The following ARHGAP26 variants were observed in gnomAD, a reference collection of about 807,000 sequenced individuals.
ARHGAP26 encodes the protein Rho GTPase activating protein 26.
A neutral mutation model predicts 104.8 loss-of-function variants in ARHGAP26; 38 were observed. That is an observed-to-expected ratio of 0.36 (90% CI 0.28 to 0.48). ARHGAP26 has a LOEUF of 0.48. ARHGAP26 is among the 20% of genes least tolerant of loss of function. The pLI is 0.99. For missense variants in ARHGAP26, 704 were observed against 947.9 expected (o/e 0.74, Z 3.38); for synonymous variants, 341 against 340.0 (o/e 1.00, Z -0.03).
At chr5:142,842,716 A>G (rs368155696) in intron 1 of ARHGAP26, among the ~76,000 whole-genome samples, 5 of 152,206 alleles carry the variant, frequency 3.3e-5, no homozygotes, top group Middle Eastern at 3.2e-3. Context: ...TCTGAGGCCA[A>G]TTTCCCATTT....
intron 11 of ARHGAP26, among the ~76,000 whole-genome samples, chr5:142,990,056 C>G (rs1246666427): frequency 6.6e-6 from 1 of 152,170 alleles, no homozygotes; most frequent in African/African-American, 2.4e-5. Flanking sequence ...TGTTTTCCAG[C>G]TTGGTTCCAT....
rs1767641310 is a variant in ARHGAP26, at chr5:142,949,164, C to CGAGAGAGA, written c.1107+17039_1107+17040insGAGAGAGA. On this transcript the variant is annotated intron_variant, in intron 11 of 22. Coordinates refer to ENST00000645722, the MANE Select transcript of ARHGAP26 (RefSeq NM_001135608.3). The stretch of plus-strand genomic sequence containing the variant: ...CTGCTGAAGTTTTATAGTTGAATTT[C>CGAGAGAGA]CAGAGAGAGAGAGAGAGAGAGAGAG... Among the ~76,000 whole-genome samples, 6 of 40,630 alleles carry CGAGAGAGA rather than the reference C, an allele frequency of 1.5e-4. 2 individuals carry two copies. In the East Asian group the frequency reaches 5.5e-3, roughly 38 times the overall value. The allele number at this position is 40,630 out of a possible 152,430, so 26.7% of individuals were successfully genotyped here. A position where few individuals can be genotyped will look rare whatever the true frequency, so the allele number is the denominator to read the frequency against.
At chr5:142,774,456 T>TTTC (rs1755881406) in intron 1 of ARHGAP26, among the ~76,000 whole-genome samples, 1 of 151,854 alleles carries the variant, frequency 6.6e-6, no homozygotes, top group Non-Finnish European at 1.5e-5. Flanking sequence ...CACAGAAAAA[T>TTTC]TGAGTGGGAA....
chr5:142,918,481 A>T (rs1316666691), intron 10 of ARHGAP26, among the ~76,000 whole-genome samples: 1 of 152,186 alleles, frequency 6.6e-6, no homozygotes, highest in African/African-American at 2.4e-5. Flanking sequence ...CATTTCTAGA[A>T]ATCTACTTTT....
chr5:143,187,108 A>G lies in ARHGAP26; in HGVS notation c.1989-20090A>G, dbSNP rs138048108. ...ATATTATCTCCTTTAATTATCACCAATCCTATGAGGTGTAAGTATTATTAA... is the reference window on the plus strand; with the variant it reads ...ATATTATCTCCTTTAATTATCACCAGTCCTATGAGGTGTAAGTATTATTAA... On this transcript the variant is annotated intron_variant, in intron 20 of 22. Transcript: ENST00000645722. Among the ~76,000 whole-genome samples the G allele has an allele frequency of 3.9e-5, 6 of 152,296 alleles. No individual in the cohort carries two copies. In the East Asian group the frequency reaches 9.6e-4, roughly 24 times the overall value.
At chr5:143,069,254 T>C (rs1335752531) in intron 17 of ARHGAP26, among the ~76,000 whole-genome samples, 1 of 152,162 alleles carries the variant, frequency 6.6e-6, no homozygotes, top group Non-Finnish European at 1.5e-5. Context: ...GTTGTTTTCT[T>C]CTCCCCGAAA....
intron 17 of ARHGAP26, among the ~76,000 whole-genome samples, chr5:143,098,029 G>A (rs1792664318): frequency 6.6e-6 from 1 of 151,990 alleles, no homozygotes; most frequent in South Asian, 2.1e-4. Flanking sequence ...AATCTTCTCA[G>A]AATTCCATAC....
chr5:142,774,615 G>T lies in ARHGAP26; in HGVS notation c.154+3700G>T, dbSNP rs1051557732. On this transcript the variant is annotated intron_variant, in intron 1 of 22. Transcript: ENST00000645722. ...ACTAAAGTCCATAATTTACATTAGG[G>T]CTCACTCTTTGTGTTGTACATTCTG... is the stretch of plus-strand genomic sequence containing the variant. Among the ~76,000 whole-genome samples, 8 of 152,016 alleles carry T rather than the reference G, an allele frequency of 5.3e-5. No homozygotes were observed. In the South Asian group the frequency reaches 6.2e-4, roughly 12 times the overall value.
At chr5:142,934,724 C>G (rs1420750933) in intron 11 of ARHGAP26, among the ~76,000 whole-genome samples, 1 of 148,674 alleles carries the variant, frequency 6.7e-6, no homozygotes, top group Admixed American at 6.7e-5. Flanking sequence ...TTTTATACTT[C>G]TATCTCAGTT....
intron 12 of ARHGAP26, among the ~76,000 whole-genome samples, chr5:143,022,774 T>C (rs981913670): frequency 3.3e-5 from 5 of 152,206 alleles, no homozygotes; most frequent in Admixed American, 6.5e-5. Context: ...GGGAGCACAG[T>C]TGAGAAGTAG....
chr5:142,967,079 AT>A (rs1448120225), intron 11 of ARHGAP26, among the ~76,000 whole-genome samples: 2 of 152,188 alleles, frequency 1.3e-5, no homozygotes, highest in Admixed American at 6.5e-5. Flanking sequence ...CCCACAGAAG[AT>A]ACAGGAAAAT....
intron 1 of ARHGAP26, among the ~76,000 whole-genome samples, chr5:142,775,922 A>G (rs1252912756): frequency 6.6e-6 from 1 of 151,968 alleles, no homozygotes; most frequent in Non-Finnish European, 1.5e-5. Flanking sequence ...TTTTCTTTCC[A>G]TTTCGTTTCC....
intron 12 of ARHGAP26, 43 bp from the exon 13 acceptor site, chr5:143,037,153 T>A (rs771640112): frequency 1.3e-6 from 2 of 1,554,832 alleles, no homozygotes; most frequent in Non-Finnish European, 1.8e-6. Context: ...TGAGGTTGAT[T>A]TCCATGGCTA....
intron 1 of ARHGAP26, among the ~76,000 whole-genome samples, chr5:142,800,370 T>C (rs369964746): frequency 1.8e-5 from 2 of 111,142 alleles, no homozygotes; most frequent in Non-Finnish European, 3.6e-5. Context: ...TTTCTTTGTC[T>C]TTTTTTTTTT....
rs1298555051 is a variant in ARHGAP26, at chr5:142,902,040, G to A, written c.702+1G>A. 9 of 1,612,262 alleles carry A rather than the reference G, an allele frequency of 5.6e-6. No individual in the cohort carries two copies. The highest frequency in any genetic ancestry group is 2.2e-5 in the East Asian group (1 of 44,872). On this transcript the variant is annotated splice_donor_variant, in intron 7 of 22. Coordinates refer to ENST00000645722, the MANE Select transcript of ARHGAP26 (RefSeq NM_001135608.3). LOFTEE classifies it high-confidence loss of function. Reference sequence around the variant, plus strand: ...ACAGTTAACCATTAGCATACAGAACGTGAGTGGGCATAGGGACAGGCTTCT... The same window carrying A: ...ACAGTTAACCATTAGCATACAGAACATGAGTGGGCATAGGGACAGGCTTCT...
At chr5:143,071,110 A>T (rs1219130820) in intron 17 of ARHGAP26, among the ~76,000 whole-genome samples, 2 of 152,192 alleles carry the variant, frequency 1.3e-5, no homozygotes, top group Non-Finnish European at 1.5e-5. Context: ...ACTGGCATAA[A>T]AGCAGGCCTA....
intron 17 of ARHGAP26, among the ~76,000 whole-genome samples, chr5:143,061,350 A>G (rs1315626785): frequency 1.3e-5 from 2 of 152,250 alleles, no homozygotes; most frequent in Admixed American, 6.5e-5. Flanking sequence ...TATGACTCCA[A>G]GTATGTTGTA....
chr5:143,078,650 C>T lies in ARHGAP26; in HGVS notation c.1538+20903C>T, dbSNP rs554011314. Among the ~76,000 whole-genome samples the T allele has an allele frequency of 3.9e-5, 6 of 152,328 alleles. No homozygotes were observed. In the East Asian group the frequency reaches 1.2e-3, roughly 29 times the overall value. On this transcript the variant is annotated intron_variant, in intron 17 of 22. Transcript: ENST00000645722. ...GCAGAGACAATTGACAATTGCTTCT[C>T]TCCTATTAACATCAATAATTTAAAC...
intron 1 of ARHGAP26, among the ~76,000 whole-genome samples, chr5:142,793,494 CAGTATGGACATGG>C (rs1237462706): frequency 1.3e-5 from 2 of 152,038 alleles, no homozygotes; most frequent in Non-Finnish European, 2.9e-5. Flanking sequence ...CTTCAGGTCT[CAGTATGGACATGG>C]AGTATTGGTG....
Sources: gnomAD v4.1 joint callset for allele counts (sites outside exome capture counted in the v4.1 genomes callset) on GRCh38, gnomAD v4.1.1 for gene constraint, MANE v1.5 for transcripts, NCBI Gene and HGNC (gene_info 2026-07-23, HGNC 2026-07-21) for gene names.